Variants in USO1 observed in about 807,000 individuals in gnomAD.
USO1 encodes general vesicular transport factor p115.
Under a neutral mutation model 124.5 loss-of-function variants are expected in USO1, and 57 were observed. The ratio of observed to expected loss-of-function variants is 0.46; its 90% confidence interval spans 0.37 to 0.57. The LOEUF (loss-of-function observed/expected upper bound fraction) is 0.57. Among genes scored for constraint, USO1 ranks in the 20% least tolerant of loss-of-function variants. The pLI, the probability that USO1 is intolerant of heterozygous loss-of-function variation, is 0.00. For synonymous variants in USO1, 369 were observed against 362.8 expected, an observed-to-expected ratio of 1.02 and a Z score of -0.19; for missense variants, 900 against 1,040.6, an observed-to-expected ratio of 0.86 and a Z score of 1.86.
At chr4:75,784,897 T>C (rs906006847) in intron 9 of USO1, among the ~76,000 whole-genome samples, 12 of 152,346 alleles carry the variant, frequency 7.9e-5, no homozygotes, top group Admixed American at 5.2e-4. Flanking sequence ...TTCTTTACTT[T>C]TAAAAAGTGA....
chr4:75,806,665 G>A (rs1289047261), intron 20 of USO1, 93 bp downstream of exon 20: 31 of 1,433,972 alleles, frequency 2.2e-5, no homozygotes, highest in African/African-American at 2.9e-5. Flanking sequence ...AACTATATTA[G>A]CAGATGTAAG....
chr4:75,725,779 A>G (rs185550854), intron 1 of USO1, among the ~76,000 whole-genome samples: 2 of 152,316 alleles, frequency 1.3e-5, no homozygotes, highest in East Asian at 1.9e-4. Flanking sequence ...TTTTAGATCT[A>G]CATAAAAGAG....
chr4:75,789,596 A>G (rs1446509519), intron 10 of USO1, among the ~76,000 whole-genome samples: 1 of 152,154 alleles, frequency 6.6e-6, no homozygotes. Flanking sequence ...CTCTTTCTGC[A>G]ATTCCATTAG....
At chr4:75,741,591 A>G (rs921427514) in intron 1 of USO1, among the ~76,000 whole-genome samples, 3 of 130,374 alleles carry the variant, frequency 2.3e-5, no homozygotes, top group Non-Finnish European at 4.9e-5. Context: ...TAAAATTTTT[A>G]CTTTTTAAAC....
chr4:75,774,902 CTT>C, intron 8 of USO1, 106 bp downstream of exon 8: 2 of 1,401,058 alleles, frequency 1.4e-6, no homozygotes, highest in Non-Finnish European at 1.9e-6. Flanking sequence ...TATTTATACT[CTT>C]TGTTTTTCTT....
At chr4:75,780,140 C>G (rs1333043068) in intron 8 of USO1, among the ~76,000 whole-genome samples, 1 of 152,144 alleles carries the variant, frequency 6.6e-6, no homozygotes, top group Non-Finnish European at 1.5e-5. Context: ...ATCTCTTACA[C>G]TTCTGTGTAA....
At chr4:75,800,928 T>C (rs1183618338) in intron 16 of USO1, 129 bp downstream of exon 16, 8 of 1,426,368 alleles carry the variant, frequency 5.6e-6, no homozygotes, top group Admixed American at 2.7e-5. Flanking sequence ...TCTTGATCTG[T>C]AGCCCATTGA....
intron 4 of USO1, among the ~76,000 whole-genome samples, chr4:75,765,898 T>A (rs1721757437): frequency 6.6e-6 from 1 of 152,180 alleles, no homozygotes; most frequent in Non-Finnish European, 1.5e-5. Context: ...CCACCTTCAC[T>A]TAATACCCTC....
intron 1 of USO1, among the ~76,000 whole-genome samples, chr4:75,735,694 A>G (rs1261945039): frequency 6.6e-6 from 1 of 151,566 alleles, no homozygotes; most frequent in Non-Finnish European, 1.5e-5. Context: ...CTGATTTTTA[A>G]TTTTCTTGTA....
chr4:75,804,065 A>C (rs1462550136), intron 17 of USO1, 69 bp from the exon 18 acceptor site: 5 of 1,525,130 alleles, frequency 3.3e-6, no homozygotes, highest in Non-Finnish European at 4.4e-6. Flanking sequence ...CTAATTTTTA[A>C]AATGTGTTCA....
intron 4 of USO1, among the ~76,000 whole-genome samples, chr4:75,767,938 C>T (rs1721814918): frequency 6.6e-6 from 1 of 152,124 alleles, no homozygotes; most frequent in East Asian, 1.9e-4. Flanking sequence ...TTTGTGAAAA[C>T]CTGACATAAA....
rs1013252460 is a variant in USO1 at position 75,810,876 on chromosome 4, G to A, written c.2583+337G>A. 6.7e-4 allele frequency among the ~76,000 whole-genome samples: 102 copies of A among 151,796 alleles called. 1 individual carries two copies. The highest frequency in any genetic ancestry group is 5.9e-4 in the Non-Finnish European group (40 of 67,914). ...CTACTGAGTAGCTGGGACTACAGGCGTGCACCACCACACCCAGCTAATTTT... is the reference window on the plus strand; with the variant it reads ...CTACTGAGTAGCTGGGACTACAGGCATGCACCACCACACCCAGCTAATTTT... On this transcript the variant is annotated intron_variant, in intron 22 of 23. Transcript: ENST00000514213.
intron 1 of USO1, among the ~76,000 whole-genome samples, chr4:75,737,532 AAAAGATAC>A (rs1339102960): frequency 1.6e-4 from 6 of 37,290 alleles, no homozygotes; most frequent in Non-Finnish European, 2.8e-4. Context: ...GTTTTTCAAG[AAAAGATAC>A]AAATTTGAGC....
At chr4:75,791,362 A>G (rs1722527107) in intron 12 of USO1, among the ~76,000 whole-genome samples, 1 of 152,176 alleles carries the variant, frequency 6.6e-6, no homozygotes, top group Non-Finnish European at 1.5e-5. Flanking sequence ...CGTCTCTACT[A>G]AAAATACAAA....
Position 75,805,376 on chromosome 4 carries a change from C to T in USO1, c.2289+73C>T, listed in dbSNP as rs562344324. The T allele has an allele frequency of 2.2e-4, 316 of 1,429,504 alleles. No individual in the cohort carries two copies. The African/African-American group carries it at 3.9e-3, about 18-fold the overall frequency. 88.6% of individuals were successfully genotyped at this position (1,429,504 alleles called of 1,614,324 possible). On this transcript the variant is annotated intron_variant, in intron 19 of 23. Coordinates refer to ENST00000514213, the MANE Select transcript of USO1 (RefSeq NM_003715.4). ...TCATTATCCTGCCTTTTTTTTTTTTCCTTGGATCTCTTAAGCCAGAATATC... is the reference window on the plus strand; with the variant it reads ...TCATTATCCTGCCTTTTTTTTTTTTTCTTGGATCTCTTAAGCCAGAATATC...
chr4:75,801,096 A>G lies in USO1; in HGVS notation c.1882A>G (p.Ile628Val), dbSNP rs1245015025. The change falls in exon 17 of 24, where the codon ATT (isoleucine) becomes GTT (valine). Residue 628 changes from isoleucine (I) to valine (V), a missense_variant. Around this residue, in one of 2 missense-constraint regions of USO1, gnomAD observed 538 missense variants for 681.6 expected, o/e 0.79. Coordinates refer to ENST00000514213, the MANE Select transcript of USO1 (RefSeq NM_003715.4). ...TTTTATAGGTGTTATAACTAAGGCT[A>G]TTTATAAGTCCAGTGAAGAAGATAA... ...KELEGVITKAIYKSSEEDKKE... is the reference protein window; with the variant it reads ...KELEGVITKAVYKSSEEDKKE... The G allele has an allele frequency of 6.3e-7, 1 of 1,581,630 alleles. No homozygotes were observed. Among genetic ancestry groups the G allele is most frequent in the African/African-American group, 1.4e-5 (1 of 74,026 alleles).
rs764127241 is a variant in USO1 at position 75,780,427 on chromosome 4, C to T, written c.677-2253C>T. Among the ~76,000 whole-genome samples the T allele has an allele frequency of 7.3e-5, 11 of 151,240 alleles. No homozygotes were observed. In the East Asian group the frequency reaches 1.4e-3, roughly 19 times the overall value. ...CATTACAGGCACCCACTACTGTGCC[C>T]GGCTAATTTTTTGTATTTTTTTTTT... On this transcript the variant is annotated intron_variant, in intron 8 of 23. Transcript: ENST00000514213.
At chr4:75,793,175 TAC>T (rs1310375869) in intron 12 of USO1, among the ~76,000 whole-genome samples, 1 of 151,142 alleles carries the variant, frequency 6.6e-6, no homozygotes, top group Non-Finnish European at 1.5e-5. Flanking sequence ...GGATAAGGGA[TAC>T]TCAACCTATG....
At chr4:75,800,557 C>CT in intron 15 of USO1, 61 bp from the exon 16 acceptor site, 1 of 1,487,170 alleles carries the variant, frequency 6.7e-7, no homozygotes, top group Non-Finnish European at 8.9e-7. Flanking sequence ...GTAGACCAAG[C>CT]TTTTATGTTT....
Sources: gnomAD v4.1 joint callset for allele counts (sites outside exome capture counted in the v4.1 genomes callset) on GRCh38, gnomAD v4.1.1 for gene constraint, gnomAD v4.1.1 regional missense constraint, MANE v1.5 for transcripts, NCBI Gene and HGNC (gene_info 2026-07-23, HGNC 2026-07-21) for gene names.